CNTNAP2: variants seen among roughly 807,000 people sequenced by gnomAD.
CNTNAP2 encodes contactin-associated protein-like 2.
Under a neutral mutation model 155.2 loss-of-function variants are expected in CNTNAP2, and 98 were observed. The ratio of observed to expected loss-of-function variants is 0.63; its 90% confidence interval spans 0.54 to 0.75. The LOEUF (loss-of-function observed/expected upper bound fraction) is 0.75. Ranked by LOEUF, CNTNAP2 falls within the 30% of genes least tolerant of loss-of-function variation. CNTNAP2 has a pLI of 0.00. For synonymous variants in CNTNAP2, 651 were observed against 631.2 expected, an observed-to-expected ratio of 1.03 and a Z score of -0.47; for missense variants, 1,727 against 1,688.1, an observed-to-expected ratio of 1.02 and a Z score of -0.40.
intron 1 of CNTNAP2, among the ~76,000 whole-genome samples, chr7:146,195,570 G>A (rs902579293): frequency 5.3e-5 from 8 of 152,196 alleles, no homozygotes; most frequent in Admixed American, 2.0e-4. Flanking sequence ...ATTCAGAAAT[G>A]TTTGGAAAAG....
chr7:146,561,235 T>C (rs141922303), intron 1 of CNTNAP2, among the ~76,000 whole-genome samples: 1 of 152,244 alleles, frequency 6.6e-6, no homozygotes, highest in East Asian at 1.9e-4. Flanking sequence ...AATAAGACTT[T>C]TCAACCACCC....
intron 1 of CNTNAP2, among the ~76,000 whole-genome samples, chr7:146,751,838 A>G (rs1034318486): frequency 1.6e-4 from 24 of 151,570 alleles, no homozygotes; most frequent in African/African-American, 5.6e-4. Context: ...TTGTGTTCTC[A>G]TTGTTCACCT....
At chr7:147,509,319 A>T (rs893629425) in intron 11 of CNTNAP2, among the ~76,000 whole-genome samples, 1 of 152,214 alleles carries the variant, frequency 6.6e-6, no homozygotes, top group Non-Finnish European at 1.5e-5. Context: ...ATGTCAAAAA[A>T]TATCTTATTA....
At chr7:147,083,760 A>G (rs987278835) in intron 4 of CNTNAP2, among the ~76,000 whole-genome samples, 4 of 142,974 alleles carry the variant, frequency 2.8e-5, no homozygotes, top group African/African-American at 1.0e-4. Flanking sequence ...AGGATTATAT[A>G]TGTGTATACA....
At chr7:147,600,451 C>T (rs1252359027) in intron 12 of CNTNAP2, among the ~76,000 whole-genome samples, 6 of 152,156 alleles carry the variant, frequency 3.9e-5, no homozygotes, top group Admixed American at 6.5e-5. Context: ...AATCAGCATG[C>T]CCAAGTTCCA....
At chr7:147,247,974 G>A (rs907042808) in intron 8 of CNTNAP2, among the ~76,000 whole-genome samples, 13 of 152,002 alleles carry the variant, frequency 8.6e-5, no homozygotes, top group Non-Finnish European at 1.8e-4. Flanking sequence ...ATAAAGAGGA[G>A]GCCAGAAAGA....
chr7:147,858,149 G>A (rs1225070896), intron 13 of CNTNAP2, among the ~76,000 whole-genome samples: 5 of 152,142 alleles, frequency 3.3e-5, no homozygotes, highest in Non-Finnish European at 5.9e-5. Flanking sequence ...GTGCAGTGGC[G>A]TGATCTTGGC....
chr7:146,694,359 G>C (rs1800747886), intron 1 of CNTNAP2, among the ~76,000 whole-genome samples: 1 of 152,186 alleles, frequency 6.6e-6, no homozygotes, highest in African/African-American at 2.4e-5. Flanking sequence ...TTGTTGAAAA[G>C]ACTACTTTTT....
chr7:147,844,950 T>C (rs1435937159), intron 13 of CNTNAP2, among the ~76,000 whole-genome samples: 16 of 145,716 alleles, frequency 1.1e-4, no homozygotes, highest in Middle Eastern at 3.5e-3. Flanking sequence ...GAAGCTGACT[T>C]GATCATGGTG....
chr7:146,802,061 G>C (rs1802888065), intron 2 of CNTNAP2, among the ~76,000 whole-genome samples: 2 of 152,156 alleles, frequency 1.3e-5, no homozygotes, highest in South Asian at 4.1e-4. Flanking sequence ...TTTGTTTTCT[G>C]TTGCTGGATA....
intron 13 of CNTNAP2, among the ~76,000 whole-genome samples, chr7:147,645,020 G>A (rs2116932960): frequency 6.6e-6 from 1 of 152,116 alleles, no homozygotes; most frequent in Non-Finnish European, 1.5e-5. Flanking sequence ...TTTCATGAAT[G>A]ATACTTTTTA....
At chr7:147,483,647 C>T (rs113310374) in intron 10 of CNTNAP2, among the ~76,000 whole-genome samples, 8 of 152,156 alleles carry the variant, frequency 5.3e-5, no homozygotes, top group East Asian at 1.9e-4. Flanking sequence ...AATATTAACC[C>T]GCAATAATTT....
chr7:148,090,657 A>G (rs1326385377), intron 15 of CNTNAP2, among the ~76,000 whole-genome samples: 3 of 152,134 alleles, frequency 2.0e-5, no homozygotes, highest in African/African-American at 4.8e-5. Flanking sequence ...AGAAATGTAA[A>G]TTAGTACAAC....
intron 13 of CNTNAP2, among the ~76,000 whole-genome samples, chr7:147,675,027 C>A (rs851737): frequency 0.18 from 27,478 of 151,842 alleles, 4,925 homozygotes; most frequent in African/African-American, 0.46. Flanking sequence ...AAACAACAGA[C>A]ATTTATTCTC....
At chr7:146,425,235 C>A (rs1363010603) in intron 1 of CNTNAP2, among the ~76,000 whole-genome samples, 2 of 152,074 alleles carry the variant, frequency 1.3e-5, no homozygotes, top group African/African-American at 2.4e-5. Context: ...TTTCCTGATA[C>A]TTGATTTTTT....
At chr7:148,135,748 C>T (rs1471545854) in intron 16 of CNTNAP2, among the ~76,000 whole-genome samples, 1 of 148,908 alleles carries the variant, frequency 6.7e-6, no homozygotes, top group Non-Finnish European at 1.5e-5. Context: ...ACTCGGGAGG[C>T]TGAGGCAGGA....
At chr7:147,920,620 A>G (rs866849794) in intron 14 of CNTNAP2, among the ~76,000 whole-genome samples, 2 of 152,060 alleles carry the variant, frequency 1.3e-5, no homozygotes, top group Admixed American at 6.6e-5. Context: ...TATACATCCA[A>G]TCATTCAGCT....
chr7:146,983,935 T>C (rs922315248), intron 3 of CNTNAP2, among the ~76,000 whole-genome samples: 5 of 152,242 alleles, frequency 3.3e-5, no homozygotes, highest in South Asian at 2.1e-4. Context: ...AGATGTTTTC[T>C]TTAATATTCA....
At chr7:146,909,155 T>C (rs992966841) in intron 3 of CNTNAP2, among the ~76,000 whole-genome samples, 4 of 152,008 alleles carry the variant, frequency 2.6e-5, no homozygotes, top group Non-Finnish European at 5.9e-5. Flanking sequence ...ATTGTGGCAA[T>C]AATCAATAGT....
Sources: gnomAD v4.1 joint callset for allele counts (sites outside exome capture counted in the v4.1 genomes callset) on GRCh38, gnomAD v4.1.1 for gene constraint, MANE v1.5 for transcripts, NCBI Gene and HGNC (gene_info 2026-07-23, HGNC 2026-07-21) for gene names.